Variants in C5 observed in about 807,000 individuals in gnomAD.
C5 encodes C3 and PZP-like alpha-2-macroglobulin domain-containing protein 4.
A neutral mutation model predicts 218.8 loss-of-function variants in C5; 140 were observed. That is an observed-to-expected ratio of 0.64 (90% CI 0.56 to 0.74). The LOEUF (loss-of-function observed/expected upper bound fraction) is 0.74, where lower values mean the gene tolerates loss of function less well. C5 is among the 30% of genes least tolerant of loss of function. The pLI, the probability that C5 is intolerant of heterozygous loss-of-function variation, is 0.00. For synonymous variants in C5, 614 were observed against 682.3 expected, an observed-to-expected ratio of 0.90 and a Z score of 1.56; for missense variants, 1,700 against 1,969.6, an observed-to-expected ratio of 0.86 and a Z score of 2.59.
At chr9:120,979,182 A>G (rs1026825107) in intron 28 of C5, among the ~76,000 whole-genome samples, 66 of 152,248 alleles carry the variant, frequency 4.3e-4, no homozygotes, top group Middle Eastern at 3.4e-3. Flanking sequence ...TTCTTGGAGC[A>G]CCAGGCATGC....
At chr9:120,953,273 C>T (rs2046759708) in intron 40 of C5, among the ~76,000 whole-genome samples, 1 of 152,190 alleles carries the variant, frequency 6.6e-6, no homozygotes, top group African/African-American at 2.4e-5. Flanking sequence ...AGGGGTCAGG[C>T]TGTCCGCCAA....
At chr9:121,054,406 T>A (rs2047688223), upstream of C5, among the ~76,000 whole-genome samples, 1 of 152,050 alleles carries the variant, frequency 6.6e-6, no homozygotes, top group Admixed American at 6.6e-5. Flanking sequence ...TCAAGACCAG[T>A]CTGGCCAATA....
Position 121,037,874 on chromosome 9 carries a change from T to C in C5, c.492+7A>G. The C allele has an allele frequency of 7.5e-7, 1 of 1,325,570 alleles. No individual in the cohort carries two copies. Among genetic ancestry groups the C allele is most frequent in the Non-Finnish European group, 1.1e-6 (1 of 944,490 alleles). 82.1% of individuals were successfully genotyped at this position (1,325,570 alleles called of 1,614,324 possible). ...TAAAGTATTATTTAAATAAATAAAA[T>C]ACTTACTATGAAAGTTAAGACAGTT... On this transcript the variant is annotated splice_region_variant and intron_variant, in intron 4 of 40. Transcript: ENST00000223642.
the C5 span, among the ~76,000 whole-genome samples, chr9:121,066,879 A>AC: frequency 1.3e-5 from 2 of 151,496 alleles, no homozygotes; most frequent in South Asian, 2.1e-4. Context: ...AAAAAAAACA[A>AC]AAACACATGA....
chr9:121,061,966 T>A, the C5 span, among the ~76,000 whole-genome samples: 1 of 152,256 alleles, frequency 6.6e-6, no homozygotes, highest in Non-Finnish European at 1.5e-5. Flanking sequence ...CTTTCTATGT[T>A]ATCATATTCA....
chr9:121,008,645 A>AT (rs1209638384), intron 17 of C5, 147 bp from the exon 18 acceptor site: 3 of 678,916 alleles, frequency 4.4e-6, no homozygotes, highest in Non-Finnish European at 7.7e-6. Flanking sequence ...AAATAGAATT[A>AT]TAGGCAGGGT....
intron 20 of C5, among the ~76,000 whole-genome samples, chr9:120,998,600 T>C (rs185686893): frequency 2.0e-4 from 31 of 152,348 alleles, no homozygotes; most frequent in African/African-American, 7.5e-4. Flanking sequence ...ACTTCCCATT[T>C]GTACCCCATT....
At chr9:121,065,074 A>AAT in the C5 span, among the ~76,000 whole-genome samples, 45 of 150,456 alleles carry the variant, frequency 3.0e-4, no homozygotes, top group African/African-American at 9.9e-4. Context: ...CATCTAAAAA[A>AAT]ATATATATAT....
chr9:121,074,695 C>T, the C5 span: 1 of 419,480 alleles, frequency 2.4e-6, no homozygotes, highest in South Asian at 1.7e-5. Flanking sequence ...GGCCACAGCA[C>T]TGCGGGCAGC....
intron 15 of C5, 66 bp downstream of exon 15, chr9:121,016,187 TA>T: frequency 6.3e-7 from 1 of 1,591,726 alleles, no homozygotes; most frequent in Non-Finnish European, 8.6e-7. Flanking sequence ...GGAAGAAGGA[TA>T]AAAATGAGAT....
At chr9:121,066,706 C>T in the C5 span, among the ~76,000 whole-genome samples, 10 of 151,210 alleles carry the variant, frequency 6.6e-5, no homozygotes, top group South Asian at 2.1e-4. Context: ...AAAAATTAGC[C>T]GGGCGAGGTG....
chr9:120,970,721 G>A (rs964168151), intron 31 of C5, among the ~76,000 whole-genome samples: 1 of 152,114 alleles, frequency 6.6e-6, no homozygotes, highest in Non-Finnish European at 1.5e-5. Flanking sequence ...GCAGAAAAGT[G>A]GACAATCTCT....
chr9:121,055,442 A>G, the C5 span, among the ~76,000 whole-genome samples: 1 of 152,054 alleles, frequency 6.6e-6, no homozygotes, highest in African/African-American at 2.4e-5. Flanking sequence ...ACTCCTTCCC[A>G]AACTTCAGGT....
At chr9:120,959,691 T>G (rs898866433) in intron 38 of C5, among the ~76,000 whole-genome samples, 8 of 152,232 alleles carry the variant, frequency 5.3e-5, no homozygotes, top group African/African-American at 9.6e-5. Flanking sequence ...TATCAGGAAC[T>G]GAGACAAGGC....
the C5 span, among the ~76,000 whole-genome samples, chr9:121,058,419 T>A: frequency 6.6e-6 from 1 of 152,136 alleles, no homozygotes; most frequent in African/African-American, 2.4e-5. Flanking sequence ...TCTCCAGATA[T>A]ATGTGTGTAT....
At chr9:120,992,457 G>C (rs2047083915) in intron 22 of C5, among the ~76,000 whole-genome samples, 1 of 152,100 alleles carries the variant, frequency 6.6e-6, no homozygotes. Context: ...ATTTTTGTGG[G>C]ATAAAAATAA....
chr9:121,013,960 A>C lies in C5; in HGVS notation c.2170T>G (p.Cys724Gly). The change falls in exon 17 of 41, where the codon TGC becomes GGC. Residue 724 changes from cysteine (C) to glycine (G), a missense_variant. Transcript: ENST00000223642. ...CAACATTCAGTGAAAGCTTTGATGCATCTTGGCCCTAAACTAATCCGTGCA... is the reference window on the plus strand; with the variant it reads ...CAACATTCAGTGAAAGCTTTGATGCCTCTTGGCCCTAAACTAATCCGTGCA... Reference protein sequence around the residue: ...RAARISLGPRCIKAFTECCVV... With the variant: ...RAARISLGPRGIKAFTECCVV... 2 of 1,614,220 alleles carry C rather than the reference A, an allele frequency of 1.2e-6. No homozygotes were observed. Among genetic ancestry groups the C allele is most frequent in the East Asian group, 2.2e-5 (1 of 44,892 alleles).
chr9:120,980,359 T>G (rs2046983275), intron 27 of C5, 105 bp from the exon 28 acceptor site: 1 of 945,398 alleles, frequency 1.1e-6, no homozygotes, highest in Non-Finnish European at 1.7e-6. Flanking sequence ...AATATGGGGG[T>G]GAAAAGAGGA....
At chr9:121,014,459 A>G (rs996355981) in intron 16 of C5, among the ~76,000 whole-genome samples, 4 of 152,174 alleles carry the variant, frequency 2.6e-5, no homozygotes, top group African/African-American at 7.2e-5. Flanking sequence ...TCACTATACA[A>G]ATATTTCCTT....
Sources: gnomAD v4.1 joint callset for allele counts (sites outside exome capture counted in the v4.1 genomes callset) on GRCh38, gnomAD v4.1.1 for gene constraint, MANE v1.5 for transcripts, NCBI Gene and HGNC (gene_info 2026-07-23, HGNC 2026-07-21) for gene names.